The following NEDD4L variants were observed in gnomAD, a reference collection of about 807,000 sequenced individuals.
NEDD4L encodes E3 ubiquitin-protein ligase NEDD4-like.
In NEDD4L, 54 loss-of-function variants were observed where a neutral mutation model predicts 148.9. The observed-to-expected ratio is 0.36, with a 90% CI of 0.29 to 0.45. NEDD4L has a LOEUF of 0.45. NEDD4L is among the 20% of genes least tolerant of loss of function. NEDD4L has a pLI of 1.00. For synonymous variants in NEDD4L, 433 were observed against 440.7 expected (o/e 0.98, Z 0.22); for missense variants, 856 against 1,233.8 (o/e 0.69, Z 4.59).
chr18:58,165,686 C>T (rs951953542), intron 1 of NEDD4L, 102 bp from the exon 2 acceptor site: 18 of 1,507,546 alleles, frequency 1.2e-5, no homozygotes, highest in Non-Finnish European at 1.5e-5. Context: ...TTCTGTATCC[C>T]AATACTGGAC....
intron 2 of NEDD4L, among the ~76,000 whole-genome samples, chr18:58,193,158 T>C (rs1163145820): frequency 6.6e-6 from 1 of 152,242 alleles, no homozygotes; most frequent in East Asian, 1.9e-4. Flanking sequence ...ATACTTTATA[T>C]ATGAGAATGT....
intron 1 of NEDD4L, among the ~76,000 whole-genome samples, chr18:58,098,438 C>T (rs923016422): frequency 3.9e-5 from 6 of 152,138 alleles, no homozygotes; most frequent in South Asian, 2.1e-4. Flanking sequence ...GGCCTTTGAT[C>T]GTGGAGCGCC....
intron 3 of NEDD4L, among the ~76,000 whole-genome samples, chr18:58,248,501 A>G (rs974427243): frequency 2.6e-5 from 4 of 152,218 alleles, no homozygotes; most frequent in African/African-American, 7.2e-5. Context: ...AACACATTCA[A>G]CTTTCCCCCA....
At chr18:58,202,875 C>T (rs1010202677) in intron 2 of NEDD4L, among the ~76,000 whole-genome samples, 2 of 152,156 alleles carry the variant, frequency 1.3e-5, no homozygotes, top group African/African-American at 4.8e-5. Context: ...ATGTAAGTTA[C>T]TAGTTCAATT....
At chr18:58,124,701 C>G (rs577388653) in intron 1 of NEDD4L, among the ~76,000 whole-genome samples, 5 of 152,340 alleles carry the variant, frequency 3.3e-5, no homozygotes, top group African/African-American at 7.2e-5. Flanking sequence ...CCCACTGTCA[C>G]TAAACGGCAC....
chr18:58,326,316 C>G (rs1007372401), intron 9 of NEDD4L, among the ~76,000 whole-genome samples: 2 of 152,156 alleles, frequency 1.3e-5, no homozygotes, highest in Non-Finnish European at 2.9e-5. Context: ...TTTAGACTAC[C>G]CAGCACGGGC....
At chr18:58,127,493 C>G (rs1009179015) in intron 1 of NEDD4L, among the ~76,000 whole-genome samples, 3 of 151,630 alleles carry the variant, frequency 2.0e-5, no homozygotes, top group Non-Finnish European at 4.4e-5. Flanking sequence ...CGCTTGAGGC[C>G]AGGAGTTTGG....
chr18:58,253,048 A>G (rs1269554980), intron 5 of NEDD4L, among the ~76,000 whole-genome samples: 2 of 152,232 alleles, frequency 1.3e-5, no homozygotes, highest in African/African-American at 4.8e-5. Flanking sequence ...GTCATTCTCA[A>G]ATTTACCCTC....
At chr18:58,289,637 G>A (rs907265500) in intron 5 of NEDD4L, among the ~76,000 whole-genome samples, 10 of 152,168 alleles carry the variant, frequency 6.6e-5, no homozygotes, top group African/African-American at 2.4e-4. Flanking sequence ...CAGAGGGTGA[G>A]AGCAACTGAA....
At chr18:58,359,410 A>C (rs1467902704) in intron 19 of NEDD4L, among the ~76,000 whole-genome samples, 2 of 151,644 alleles carry the variant, frequency 1.3e-5, no homozygotes, top group African/African-American at 2.4e-5. Flanking sequence ...ATCACTGTCT[A>C]CTCTCCTTAA....
At chr18:58,133,369 C>T (rs1275964921) in intron 1 of NEDD4L, among the ~76,000 whole-genome samples, 4 of 152,142 alleles carry the variant, frequency 2.6e-5, no homozygotes, top group Admixed American at 6.5e-5. Context: ...TGAATCTTGC[C>T]CCAGTGAGCG....
At chr18:58,149,026 T>A (rs1045623288) in intron 1 of NEDD4L, among the ~76,000 whole-genome samples, 1 of 152,228 alleles carries the variant, frequency 6.6e-6, no homozygotes, top group Non-Finnish European at 1.5e-5. Context: ...ATGCAAATCC[T>A]GGGTTTTGGA....
At chr18:58,231,237 C>CAAAAAAAAAAAAAAAAAAAAAAA (rs67220469) in intron 2 of NEDD4L, among the ~76,000 whole-genome samples, 1 of 90,184 alleles carries the variant, frequency 1.1e-5, no homozygotes, top group Admixed American at 1.2e-4. Flanking sequence ...GACCCTATCT[C>CAAAAAAAAAAAAAAAAAAAAAAA]AAAAAAAAAA....
In NEDD4L at chr18:58,258,548, C is replaced by T. The variant is rs1198814477; in HGVS notation, c.297+6494C>T. Among the ~76,000 whole-genome samples, 20 of 152,252 alleles carry T rather than the reference C, an allele frequency of 1.3e-4. 1 individual carries two copies. ...TAAACTAAAACTTATGTGTACCTTGCTTAAAAGGGCTATTCTAACTTGCAA... is the reference window on the plus strand; with the variant it reads ...TAAACTAAAACTTATGTGTACCTTGTTTAAAAGGGCTATTCTAACTTGCAA... On this transcript the variant is annotated intron_variant, in intron 5 of 30. Transcript: ENST00000400345.
intron 30 of NEDD4L, among the ~76,000 whole-genome samples, chr18:58,394,749 G>A (rs781479811): frequency 1.3e-5 from 2 of 152,186 alleles, no homozygotes; most frequent in East Asian, 1.9e-4. Flanking sequence ...GTTGTTAAAC[G>A]GCCCTCTACG....
chr18:58,379,361 C>T (rs1339184804), intron 24 of NEDD4L, among the ~76,000 whole-genome samples: 1 of 152,242 alleles, frequency 6.6e-6, no homozygotes, highest in African/African-American at 2.4e-5. Context: ...TGACGCTGCC[C>T]CGATTTCTCC....
At chr18:58,073,322 C>T (rs1298207804) in intron 1 of NEDD4L, among the ~76,000 whole-genome samples, 2 of 152,116 alleles carry the variant, frequency 1.3e-5, no homozygotes, top group Non-Finnish European at 1.5e-5. Context: ...AGCTGGAAGA[C>T]TCACACTTCT....
intron 5 of NEDD4L, among the ~76,000 whole-genome samples, chr18:58,270,535 A>AT (rs1042178050): frequency 9.2e-5 from 14 of 152,274 alleles, no homozygotes; most frequent in Non-Finnish European, 2.1e-4. Context: ...TATCTGAACA[A>AT]TTTTTTGACA....
At chr18:58,333,105 C>T (rs60460512) in intron 11 of NEDD4L, among the ~76,000 whole-genome samples, 75,541 of 151,408 alleles carry the variant, frequency 0.5, 19,130 homozygotes, top group East Asian at 0.66. Context: ...GGTGAAACCC[C>T]ATCTCTACTA....
Sources: gnomAD v4.1 joint callset for allele counts (sites outside exome capture counted in the v4.1 genomes callset) on GRCh38, gnomAD v4.1.1 for gene constraint, MANE v1.5 for transcripts, NCBI Gene and HGNC (gene_info 2026-07-23, HGNC 2026-07-21) for gene names.